Variants in NEB observed in about 807,000 individuals in gnomAD.
NEB encodes nebulin.
A neutral mutation model predicts 952.2 loss-of-function variants in NEB; 512 were observed. That is an observed-to-expected ratio of 0.54 (90% CI 0.50 to 0.58). NEB has a LOEUF of 0.58. Among genes scored for constraint, NEB ranks in the 20% least tolerant of loss-of-function variants. The pLI is 0.00. For missense variants in NEB, 8,428 were observed against 9,231.1 expected (o/e 0.91, Z 3.56); for synonymous variants, 2,900 against 3,149.8 (o/e 0.92, Z 2.66).
At chr2:151,717,643 G>T in intron 9 of NEB, 123 bp from the exon 10 acceptor site, 3 of 714,888 alleles carry the variant, frequency 4.2e-6, no homozygotes. Context: ...ATTGCTCTCA[G>T]TACTGCTAGT....
At chr2:151,609,553 T>A (rs1013733838) in intron 81 of NEB, among the ~76,000 whole-genome samples, 14 of 152,254 alleles carry the variant, frequency 9.2e-5, no homozygotes, top group Non-Finnish European at 1.8e-4. Flanking sequence ...TGCTGTTTAG[T>A]GTTTTGGATC....
rs2099582053 is a variant in NEB at position 151,694,581 on chromosome 2, T to C, written c.1723A>G (p.Ile575Val). 2 of 1,606,886 alleles carry C rather than the reference T, an allele frequency of 1.2e-6. No individual in the cohort carries two copies. The highest frequency in any genetic ancestry group is 1.7e-5 in the Admixed American group (1 of 58,540). ...WEKSKAKKFD[I>V]KVDAIPLLAA... ...AGCAGGGGAATGGCATCCACTTTAA[T>C]GTCAAACTTTTTGGCTTTGCTCTTC... is the stretch of plus-strand genomic sequence containing the variant. Residue 575 changes from isoleucine to valine, a missense_variant, in exon 19 of 182, where the codon ATT becomes GTT. Ile to Val is a conservative substitution (Grantham distance 29, BLOSUM62 3). Around this residue, in one of 11 missense-constraint regions of NEB, gnomAD observed 2,851 missense variants for 2,791.5 expected, o/e 1.02. Coordinates refer to ENST00000397345, the MANE Select transcript of NEB (RefSeq NM_001164508.2).
intron 11 of NEB, 29 bp from the exon 12 acceptor site, chr2:151,709,792 T>C (rs2099738733): frequency 6.7e-7 from 1 of 1,499,452 alleles, no homozygotes; most frequent in East Asian, 2.3e-5. Context: ...GCTGAAGAAC[T>C]GCTGTGGAAA....
intron 145 of NEB, 72 bp downstream of exon 145, chr2:151,530,913 AGATAACTGG>A (rs1240939222): frequency 1.2e-6 from 1 of 863,442 alleles, no homozygotes; most frequent in Non-Finnish European, 1.9e-6. Flanking sequence ...ACACAGGAAT[AGATAACTGG>A]ACCAGGGTTT....
At position 151,610,808 on chromosome 2, in the gene NEB, G is replaced by A; in HGVS notation, c.11864C>T (p.Thr3955Ile). Residue 3955 changes from threonine (T) to isoleucine (I), a missense_variant, in exon 79 of 182, where the codon ACC becomes ATC. Physicochemically the swap from Thr to Ile is moderately conservative, Grantham distance 89. Around this residue, in one of 11 missense-constraint regions of NEB, gnomAD observed 337 missense variants for 297.5 expected, o/e 1.13. Coordinates refer to ENST00000397345, the MANE Select transcript of NEB (RefSeq NM_001164508.2). ...ACTCTTGGCCAGCAGGATATCTGGG[G>A]TGTCTGGCATCACGTGGATGGAGGT... ...DKTSIHVMPD[T>I]PDILLAKSNS... The A allele has an allele frequency of 1.2e-6, 2 of 1,608,194 alleles. No homozygotes were observed. The highest frequency in any genetic ancestry group is 1.7e-6 in the Non-Finnish European group (2 of 1,177,008).
chr2:151,617,516 G>A (rs1026658899), intron 74 of NEB, 48 bp from the exon 75 acceptor site: 3 of 1,211,942 alleles, frequency 2.5e-6, no homozygotes, highest in African/African-American at 3.1e-5. Flanking sequence ...AAATTATTTT[G>A]GTGTTCACAG....
intron 161 of NEB, among the ~76,000 whole-genome samples, chr2:151,509,747 G>T (rs978616720): frequency 6.6e-6 from 1 of 152,042 alleles, no homozygotes; most frequent in Non-Finnish European, 1.5e-5. Flanking sequence ...CCTGCCTCAG[G>T]CTTCCGAGTA....
chr2:151,556,162 A>G (rs189270720), intron 124 of NEB, among the ~76,000 whole-genome samples: 26 of 152,288 alleles, frequency 1.7e-4, no homozygotes, highest in African/African-American at 5.5e-4. Flanking sequence ...CTCCAGGTAA[A>G]AATTAAATAA....
At chr2:151,537,722 C>A in intron 140 of NEB, 150 bp downstream of exon 140, 1 of 497,344 alleles carries the variant, frequency 2.0e-6, no homozygotes, top group Non-Finnish European at 3.5e-6. Flanking sequence ...GAAATTCACT[C>A]ACTTAGCAAT....
chr2:151,497,975 C>T, intron 170 of NEB: 1 of 1,433,154 alleles, frequency 7.0e-7, no homozygotes, highest in Admixed American at 2.9e-5. Flanking sequence ...GAGTACGGTG[C>T]CTCCTAAACA....
intron 102 of NEB, 53 bp from the exon 103 acceptor site, chr2:151,581,640 C>T (rs1479700758): frequency 7.0e-7 from 1 of 1,425,554 alleles, no homozygotes; most frequent in East Asian, 2.5e-5. Context: ...AGTCAATTAC[C>T]ACATAAATAA....
At chr2:151,495,617 G>A (rs531681895) in intron 173 of NEB, among the ~76,000 whole-genome samples, 6 of 152,214 alleles carry the variant, frequency 3.9e-5, no homozygotes, top group South Asian at 2.1e-4. Flanking sequence ...ACAAGCTTAC[G>A]GGAAATGGTT....
intron 148 of NEB, 117 bp downstream of exon 148, chr2:151,526,801 T>C (rs2086385413): frequency 1.3e-6 from 1 of 777,678 alleles, no homozygotes; most frequent in Non-Finnish European, 2.2e-6. Flanking sequence ...TCAGGACCCA[T>C]ACCTGAGCCC....
chr2:151,507,114 A>G (rs1347430801), intron 162 of NEB, 101 bp from the exon 163 acceptor site: 7 of 745,698 alleles, frequency 9.4e-6, no homozygotes, highest in Admixed American at 2.7e-5. Context: ...TGTATCTTTA[A>G]AAAAAAGTCT....
At chr2:151,704,948 A>T (rs1000289221) in intron 13 of NEB, among the ~76,000 whole-genome samples, 1 of 152,142 alleles carries the variant, frequency 6.6e-6, no homozygotes, top group African/African-American at 2.4e-5. Flanking sequence ...AGTAGCAGAG[A>T]TTCTTGTGTA....
Position 151,546,450 on chromosome 2 carries a change from G to C in NEB, c.20368-7C>G, listed in dbSNP as rs2153608192. 1 of 1,585,522 alleles carries C rather than the reference G, an allele frequency of 6.3e-7. No homozygotes were observed. Among genetic ancestry groups the C allele is most frequent in the Admixed American group, 1.7e-5 (1 of 59,932 alleles). The stretch of plus-strand genomic sequence containing the variant: ...AGTCCTCTTTGTATTTAATCTGAGA[G>C]GCAAACACAGAAATATAGCTGGTCA... On this transcript the variant is annotated splice_polypyrimidine_tract_variant and splice_region_variant and intron_variant, in intron 133 of 181. Coordinates refer to ENST00000397345, the MANE Select transcript of NEB (RefSeq NM_001164508.2).
intron 47 of NEB, 36 bp downstream of exon 47, chr2:151,659,029 G>A: frequency 7.3e-7 from 1 of 1,377,404 alleles, no homozygotes; most frequent in African/African-American, 1.4e-5. Context: ...CAAATCTGCT[G>A]GAGAGAAAGA....
At chr2:151,689,292 C>T (rs2099527973) in intron 24 of NEB, 1 of 150,874 alleles carries the variant, frequency 6.6e-6, no homozygotes, top group South Asian at 2.1e-4. Context: ...GCAACCTCCG[C>T]CTCCCAGGCT....
In NEB at chr2:151,725,548, C is replaced by T. The variant is rs372579696; in HGVS notation, c.307G>A (p.Glu103Lys). 2 of 1,613,140 alleles carry T rather than the reference C, an allele frequency of 1.2e-6. No homozygotes were observed. The highest frequency in any genetic ancestry group is 2.2e-5 in the South Asian group (2 of 91,062). ...QDLFSPNKYK[E>K]KFEKTKGQPY... ...TGTCCTTTTGTTTTCTCAAACTTCT[C>T]CTTGTATTTATTCTGAAAAGAATAT... The change falls in exon 6 of 182, where the codon GAG (glutamate) becomes AAG (lysine). Residue 103 changes from glutamate to lysine, a missense_variant. Coordinates refer to ENST00000397345, the MANE Select transcript of NEB (RefSeq NM_001164508.2).
Sources: allele counts gnomAD v4.1 joint callset (sites outside exome capture counted in the v4.1 genomes callset), GRCh38; gene constraint gnomAD v4.1.1; regional missense constraint gnomAD v4.1.1; transcripts MANE v1.5; gene names NCBI Gene and HGNC (gene_info 2026-07-23, HGNC 2026-07-21).